MAD1L1: variants seen among roughly 807,000 people sequenced by gnomAD.
MAD1L1 encodes the protein mitotic arrest deficient 1 like 1.
MAD1L1 carries 95 observed loss-of-function variants against 96.9 expected under a neutral mutation model. That is an observed-to-expected ratio of 0.98 (90% CI 0.83 to 1.16). The LOEUF is 1.16. MAD1L1 is among the 50% of genes most tolerant of loss of function. The probability of loss-of-function intolerance (pLI) is 0.00; values close to 1 mark genes in which losing one functional copy is unlikely to be tolerated. For missense variants in MAD1L1, 1,007 were observed against 954.4 expected, an observed-to-expected ratio of 1.06 and a Z score of -0.73; for synonymous variants, 473 against 396.6, an observed-to-expected ratio of 1.19 and a Z score of -2.29.
intron 13 of MAD1L1, among the ~76,000 whole-genome samples, chr7:2,005,787 T>A (rs551500000): frequency 3.3e-5 from 5 of 151,730 alleles, no homozygotes; most frequent in Non-Finnish European, 7.4e-5. Flanking sequence ...GGCAACAGAG[T>A]GAGACCCTGT....
At chr7:1,901,463 G>A (rs1353144846) in intron 17 of MAD1L1, among the ~76,000 whole-genome samples, 1 of 152,206 alleles carries the variant, frequency 6.6e-6, no homozygotes, top group Non-Finnish European at 1.5e-5. Context: ...CGACAGCCCT[G>A]TGCCCGACCC....
At chr7:2,057,422 G>A (rs1197957506) in intron 12 of MAD1L1, among the ~76,000 whole-genome samples, 1 of 152,192 alleles carries the variant, frequency 6.6e-6, no homozygotes, top group African/African-American at 2.4e-5. Flanking sequence ...AGGCTGAGGG[G>A]AGAACTGCTT....
chr7:2,024,281 C>T (rs570275792), intron 12 of MAD1L1, among the ~76,000 whole-genome samples: 6 of 152,148 alleles, frequency 3.9e-5, no homozygotes, highest in Non-Finnish European at 5.9e-5. Flanking sequence ...TTGAAAGACA[C>T]GAACCACCAA....
chr7:2,097,224 C>T (rs1028287221), intron 11 of MAD1L1, among the ~76,000 whole-genome samples: 2 of 152,084 alleles, frequency 1.3e-5, no homozygotes, highest in Non-Finnish European at 2.9e-5. Flanking sequence ...CTCTGCCACA[C>T]CCCACCCCAC....
At chr7:1,911,728 G>A (rs1788029920) in intron 17 of MAD1L1, among the ~76,000 whole-genome samples, 1 of 151,126 alleles carries the variant, frequency 6.6e-6, no homozygotes, top group Non-Finnish European at 1.5e-5. Context: ...TCTCCAGTCT[G>A]GCGTCACCTC....
At chr7:2,014,385 A>G (rs1426070517) in intron 13 of MAD1L1, 117 bp downstream of exon 13, 3 of 1,342,340 alleles carry the variant, frequency 2.2e-6, no homozygotes, top group Non-Finnish European at 3.0e-6. Context: ...GACACCTGCC[A>G]GCCGGGAACT....
rs781635983 is a variant in MAD1L1, at chr7:2,014,489, C to T, written c.1359+13G>A. The T allele has an allele frequency of 7.7e-6, 12 of 1,559,330 alleles. No homozygotes were observed. In the African/African-American group the frequency reaches 1.1e-4, roughly 14 times the overall value. ...CACCTGGCGACGTGAGCCCCACGCC[C>T]GCGGCCCCTCACCTCCATCTCGGCG... On this transcript the variant is annotated intron_variant, in intron 13 of 18. Coordinates refer to ENST00000265854, the MANE Select transcript of MAD1L1 (RefSeq NM_001013836.2).
At chr7:1,898,163 G>C in intron 18 of MAD1L1, 37 bp downstream of exon 18, 1 of 1,562,302 alleles carries the variant, frequency 6.4e-7, no homozygotes, top group Non-Finnish European at 8.7e-7. Flanking sequence ...GAGACAGAGA[G>C]CGAGACAGCC....
intron 11 of MAD1L1, among the ~76,000 whole-genome samples, chr7:2,122,462 A>G (rs997783357): frequency 6.6e-6 from 1 of 152,070 alleles, no homozygotes; most frequent in Admixed American, 6.6e-5. Flanking sequence ...CGTTACTACT[A>G]AAAATACAAA....
chr7:1,871,725 GCCACGCTGAACCCAACATAC>G (rs1785117152), intron 18 of MAD1L1, among the ~76,000 whole-genome samples: 1 of 150,122 alleles, frequency 6.7e-6, no homozygotes, highest in Non-Finnish European at 1.5e-5. Flanking sequence ...ACATACACCT[GCCACGCTGAACCCAACATAC>G]GCCTGCCACG....
intron 11 of MAD1L1, among the ~76,000 whole-genome samples, chr7:2,096,230 C>A (rs895133667): frequency 6.6e-6 from 1 of 152,228 alleles, no homozygotes; most frequent in Non-Finnish European, 1.5e-5. Context: ...GCCACAAGGT[C>A]GTCCTCGTCG....
chr7:1,982,894 A>G (rs190229485), intron 14 of MAD1L1, among the ~76,000 whole-genome samples: 154 of 152,294 alleles, frequency 1.0e-3, no homozygotes, highest in African/African-American at 3.2e-3. Context: ...TATTTTATTA[A>G]GAGTTTTTAA....
At chr7:2,087,400 C>T (rs560545105) in intron 11 of MAD1L1, among the ~76,000 whole-genome samples, 3 of 152,180 alleles carry the variant, frequency 2.0e-5, no homozygotes, top group Non-Finnish European at 2.9e-5. Context: ...ATTAGCCAGG[C>T]CTGGTGGCGC....
At chr7:2,133,946 G>A (rs1026187228) in intron 11 of MAD1L1, among the ~76,000 whole-genome samples, 2 of 152,178 alleles carry the variant, frequency 1.3e-5, no homozygotes, top group African/African-American at 2.4e-5. Context: ...GTGGTTTTAC[G>A]CTAAGTCTTG....
chr7:2,228,565 C>T (rs1794028958), intron 3 of MAD1L1, among the ~76,000 whole-genome samples: 1 of 151,778 alleles, frequency 6.6e-6, no homozygotes, highest in South Asian at 2.1e-4. Flanking sequence ...GAGTTGGCCA[C>T]TTCTCATTTT....
At chr7:2,066,395 G>C (rs909749629) in intron 12 of MAD1L1, among the ~76,000 whole-genome samples, 5 of 152,232 alleles carry the variant, frequency 3.3e-5, no homozygotes, top group Non-Finnish European at 7.3e-5. Context: ...CTGGCTGGAC[G>C]GATCCTGCAT....
chr7:1,896,042 G>A (rs752329952), intron 18 of MAD1L1, among the ~76,000 whole-genome samples: 44 of 152,250 alleles, frequency 2.9e-4, no homozygotes, highest in Non-Finnish European at 5.6e-4. Context: ...CTCAGGGCGA[G>A]CCCGGCCTCC....
chr7:2,184,432 A>G (rs1441967585), intron 10 of MAD1L1, among the ~76,000 whole-genome samples: 2 of 152,182 alleles, frequency 1.3e-5, no homozygotes, highest in Admixed American at 1.3e-4. Flanking sequence ...ATATAATGCA[A>G]ATGGAATCTC....
chr7:2,028,341 C>T (rs61096774), intron 12 of MAD1L1, among the ~76,000 whole-genome samples: 6,054 of 150,072 alleles, frequency 0.04, 178 homozygotes, highest in East Asian at 0.087. Flanking sequence ...AAGAGAATGG[C>T]GCGAACCCAG....
Sources: gnomAD v4.1 joint callset for allele counts (sites outside exome capture counted in the v4.1 genomes callset) on GRCh38, gnomAD v4.1.1 for gene constraint, MANE v1.5 for transcripts, NCBI Gene and HGNC (gene_info 2026-07-23, HGNC 2026-07-21) for gene names.